Variants in SH3BGR observed in about 807,000 individuals in gnomAD.
SH3BGR encodes SH3 domain-binding glutamic acid-rich protein.
A neutral mutation model predicts 24.5 loss-of-function variants in SH3BGR; 29 were observed. The ratio of observed to expected loss-of-function variants is 1.18; its 90% confidence interval spans 0.88 to 1.61. The LOEUF (loss-of-function observed/expected upper bound fraction) is 1.61. SH3BGR is among the 40% of genes most tolerant of loss of function. SH3BGR has a pLI of 0.00. For missense variants in SH3BGR, 162 were observed against 205.8 expected (o/e 0.79, Z 1.30); for synonymous variants, 55 against 65.7 (o/e 0.84, Z 0.79).
At chr21:39,449,329 A>G (rs1189181832), upstream of SH3BGR, among the ~76,000 whole-genome samples, 1 of 152,168 alleles carries the variant, frequency 6.6e-6, no homozygotes, top group Middle Eastern at 3.2e-3. Flanking sequence ...TCCCCCTAAA[A>G]ATAAAATCTC....
rs748598128 is a variant in SH3BGR at position 39,509,033 on chromosome 21, G to A, written c.435+6G>A. ...GAGAGACAGCCACAGAAGAGGTACG[G>A]TCGACCATCTTTAACAGCTGTGCTT... On this transcript the variant is annotated splice_donor_region_variant and intron_variant, in intron 5 of 6. Coordinates refer to ENST00000333634, the MANE Select transcript of SH3BGR (RefSeq NM_007341.3). 6.2e-7 allele frequency: 1 copy of A among 1,607,514 alleles called. No homozygotes were observed. The highest frequency in any genetic ancestry group is 8.5e-7 in the Non-Finnish European group (1 of 1,176,048).
chr21:39,497,075 T>G (rs557503461), intron 3 of SH3BGR, among the ~76,000 whole-genome samples: 1 of 151,898 alleles, frequency 6.6e-6, no homozygotes, highest in East Asian at 1.9e-4. Context: ...TCCTCTAAGC[T>G]ACAGTGATAA....
At chr21:39,481,256 G>A (rs905713845) in intron 3 of SH3BGR, among the ~76,000 whole-genome samples, 1 of 152,098 alleles carries the variant, frequency 6.6e-6, no homozygotes, top group Non-Finnish European at 1.5e-5. Flanking sequence ...TTTGAGCCCA[G>A]GCATTTGTGA....
Position 39,511,669 on chromosome 21 carries a change from G to A in SH3BGR, c.436-11G>A, listed in dbSNP as rs748703755. The stretch of plus-strand genomic sequence containing the variant: ...GCTTCTTAATACTAATGTAAGTTTT[G>A]TTAAAATAAGACGGAAGAAATAGCC... On this transcript the variant is annotated splice_polypyrimidine_tract_variant and intron_variant, in intron 5 of 6. Coordinates refer to ENST00000333634, the MANE Select transcript of SH3BGR (RefSeq NM_007341.3). The surrounding 1 kb of genome is among the most constrained non-coding windows in gnomAD (Gnocchi z 4.2). 2 of 1,608,736 alleles carry A rather than the reference G, an allele frequency of 1.2e-6. No individual in the cohort carries two copies. The highest frequency in any genetic ancestry group is 3.4e-5 in the Admixed American group (2 of 58,828).
intron 3 of SH3BGR, among the ~76,000 whole-genome samples, chr21:39,493,269 T>C (rs1303754691): frequency 6.6e-6 from 1 of 152,256 alleles, no homozygotes; most frequent in Non-Finnish European, 1.5e-5. Flanking sequence ...TTTAAGTCCA[T>C]GATCCATCTT....
intron 3 of SH3BGR, among the ~76,000 whole-genome samples, chr21:39,492,466 G>GTGTGTGTGTATA (rs1404293146): frequency 3.5e-4 from 49 of 139,776 alleles, no homozygotes; most frequent in Middle Eastern, 3.6e-3. Context: ...GTGTGTGTGT[G>GTGTGTGTGTATA]TATATATATA....
chr21:39,513,588 G>A (rs1453832107), intron 6 of SH3BGR, among the ~76,000 whole-genome samples: 2 of 151,970 alleles, frequency 1.3e-5, no homozygotes, highest in South Asian at 2.1e-4. Context: ...GTCTCTCCAG[G>A]GTGTTTCTTT....
At chr21:39,496,222 C>T (rs950474423) in intron 3 of SH3BGR, among the ~76,000 whole-genome samples, 65 of 152,040 alleles carry the variant, frequency 4.3e-4, no homozygotes, top group African/African-American at 1.4e-3. Context: ...TTTATTTGGC[C>T]GGGCGCGGTG....
At position 39,457,247 on chromosome 21, in the gene SH3BGR, AT is replaced by A. The variant is rs1477210417; in HGVS notation, c.45+5108del. ...ATATATAGTTAAATATAAAAATCTT[AT>A]TATATTATATTGTTATATATAAAAG... On this transcript the variant is annotated intron_variant, in intron 1 of 6. Coordinates refer to ENST00000333634, the MANE Select transcript of SH3BGR (RefSeq NM_007341.3). 2.7e-3 allele frequency among the ~76,000 whole-genome samples: 379 copies of A among 142,430 alleles called. 3 individuals carry two copies. The highest frequency in any genetic ancestry group is 8.8e-3 in the African/African-American group (348 of 39,472). The allele number at this position is 142,430 out of a possible 152,430, so 93.4% of individuals were successfully genotyped here.
chr21:39,467,723 A>G (rs1426100821), intron 2 of SH3BGR, among the ~76,000 whole-genome samples: 1 of 152,160 alleles, frequency 6.6e-6, no homozygotes, highest in African/African-American at 2.4e-5. Context: ...GTCATATGCC[A>G]TGCCTGATGA....
chr21:39,495,742 A>G (rs1000392121), intron 3 of SH3BGR, among the ~76,000 whole-genome samples: 1 of 152,176 alleles, frequency 6.6e-6, no homozygotes, highest in Non-Finnish European at 1.5e-5. Context: ...CTAGGCCTCC[A>G]GAGTGTTGGG....
chr21:39,487,798 C>A (rs1569165352), intron 3 of SH3BGR, among the ~76,000 whole-genome samples: 2 of 152,178 alleles, frequency 1.3e-5, no homozygotes, highest in Admixed American at 6.5e-5. Context: ...CTATTGAAAG[C>A]ATTTTTGAGT....
intron 3 of SH3BGR, among the ~76,000 whole-genome samples, chr21:39,479,594 T>C (rs1458538016): frequency 6.6e-6 from 1 of 152,142 alleles, no homozygotes; most frequent in African/African-American, 2.4e-5. Context: ...TGTGAACTTC[T>C]TATATAGACC....
chr21:39,485,432 T>G (rs558439053), intron 3 of SH3BGR, among the ~76,000 whole-genome samples: 1 of 152,282 alleles, frequency 6.6e-6, no homozygotes, highest in Non-Finnish European at 1.5e-5. Context: ...ATTATTATGA[T>G]GTATGGAAAG....
At chr21:39,469,512 A>T (rs940301801) in intron 2 of SH3BGR, among the ~76,000 whole-genome samples, 1 of 151,116 alleles carries the variant, frequency 6.6e-6, no homozygotes, top group Non-Finnish European at 1.5e-5. Context: ...CTTAATGTTC[A>T]GTTAGATGCT....
At chr21:39,457,248 TTA>T (rs1491012925) in intron 1 of SH3BGR, among the ~76,000 whole-genome samples, 36 of 134,876 alleles carry the variant, frequency 2.7e-4, no homozygotes, top group Non-Finnish European at 4.5e-4. Flanking sequence ...AAAAATCTTA[TTA>T]TATTATATTG....
chr21:39,474,963 A>G (rs887568529), intron 2 of SH3BGR, among the ~76,000 whole-genome samples, 172 bp from the exon 3 acceptor site: 2 of 152,142 alleles, frequency 1.3e-5, no homozygotes, highest in Non-Finnish European at 2.9e-5. Flanking sequence ...TGTAAAGTTC[A>G]TGGTTAGATT....
At chr21:39,510,180 G>C (rs2078654097) in intron 5 of SH3BGR, among the ~76,000 whole-genome samples, 1 of 149,440 alleles carries the variant, frequency 6.7e-6, no homozygotes, top group Admixed American at 6.6e-5. Flanking sequence ...CTGACCTTGT[G>C]ATCCGCCCGC....
At chr21:39,510,597 A>G (rs1332300254) in intron 5 of SH3BGR, among the ~76,000 whole-genome samples, 1 of 152,012 alleles carries the variant, frequency 6.6e-6, no homozygotes, top group Non-Finnish European at 1.5e-5. Context: ...AATATATCAA[A>G]CCAACCCCTC....
Sources: allele counts gnomAD v4.1 joint callset (sites outside exome capture counted in the v4.1 genomes callset), GRCh38; gene constraint gnomAD v4.1.1; non-coding constraint Gnocchi (gnomAD v3.1); transcripts MANE v1.5; gene names NCBI Gene and HGNC (gene_info 2026-07-23, HGNC 2026-07-21).